CAV1: variants seen among roughly 807,000 people sequenced by gnomAD.
The protein encoded by CAV1 is caveolin 1.
In CAV1, 10 loss-of-function variants were observed where a neutral mutation model predicts 16.5. The observed-to-expected ratio is 0.61, with a 90% CI of 0.37 to 1.03. CAV1 has a LOEUF of 1.03. Ranked by LOEUF, CAV1 falls within the 50% of genes least tolerant of loss-of-function variation. The probability of loss-of-function intolerance (pLI) is 0.01; values close to 1 mark genes in which losing one functional copy is unlikely to be tolerated. For missense variants in CAV1, 212 were observed against 232.8 expected (o/e 0.91, Z 0.58); for synonymous variants, 76 against 85.1 (o/e 0.89, Z 0.59).
intron 2 of CAV1, among the ~76,000 whole-genome samples, chr7:116,537,110 C>T (rs576714710): frequency 9.9e-5 from 15 of 151,756 alleles, no homozygotes; most frequent in African/African-American, 3.6e-4. Context: ...AAGACACAAC[C>T]ATTTCCTCTT....
intron 2 of CAV1, among the ~76,000 whole-genome samples, chr7:116,534,486 G>A (rs1364972759): frequency 5.7e-5 from 8 of 140,320 alleles, no homozygotes; most frequent in Non-Finnish European, 9.2e-5. Context: ...TGCAAGCTCC[G>A]TCTCCCGGGT....
chr7:116,534,646 C>T (rs991382374), intron 2 of CAV1, among the ~76,000 whole-genome samples: 2 of 151,522 alleles, frequency 1.3e-5, no homozygotes, highest in Admixed American at 6.6e-5. Context: ...GTGATCCGCT[C>T]GCCTCGGCCT....
At chr7:116,558,835 A>T in intron 2 of CAV1, 111 bp from the exon 3 acceptor site, 1 of 805,996 alleles carries the variant, frequency 1.2e-6, no homozygotes, top group Non-Finnish European at 2.1e-6. Context: ...CATCTCACAA[A>T]GAACGAACTC....
intron 2 of CAV1, among the ~76,000 whole-genome samples, chr7:116,546,988 C>T (rs186911303): frequency 2.0e-5 from 3 of 152,284 alleles, no homozygotes; most frequent in Admixed American, 6.5e-5. Context: ...TGGTGGTTTG[C>T]TGGCAATGTT....
intron 2 of CAV1, 103 bp downstream of exon 2, chr7:116,526,792 C>A (rs909921235): frequency 7.7e-7 from 1 of 1,295,838 alleles, no homozygotes; most frequent in African/African-American, 1.5e-5. Context: ...CCCCACCCCG[C>A]CCCCTACACG....
In CAV1 at chr7:116,561,127, G is replaced by T. The variant is rs1562841796; in HGVS notation, c.*1840G>T. 1 of 152,470 alleles carries T rather than the reference G, an allele frequency of 6.6e-6. No homozygotes were observed. Among genetic ancestry groups the T allele is most frequent in the Non-Finnish European group, 1.5e-5 (1 of 68,014 alleles). The allele number at this position is 152,470 out of a possible 1,614,324, so 9.4% of individuals were successfully genotyped here. A position where few individuals can be genotyped will look rare whatever the true frequency, so the allele number is the denominator to read the frequency against. ...GATATATTTTACAATTTTTTATCATGCATGTCCTGTAAAGGTTACAAGCCT... is the reference window on the plus strand; with the variant it reads ...GATATATTTTACAATTTTTTATCATTCATGTCCTGTAAAGGTTACAAGCCT... On this transcript the variant is annotated 3_prime_UTR_variant, in exon 3 of 3. Coordinates refer to ENST00000341049, the MANE Select transcript of CAV1 (RefSeq NM_001753.5).
At chr7:116,545,175 A>C (rs895389920) in intron 2 of CAV1, among the ~76,000 whole-genome samples, 1 of 152,148 alleles carries the variant, frequency 6.6e-6, no homozygotes, top group East Asian at 1.9e-4. Flanking sequence ...GATATTTGGC[A>C]TTGTCTGGAG....
At chr7:116,550,934 C>T (rs937548311) in intron 2 of CAV1, among the ~76,000 whole-genome samples, 5 of 152,190 alleles carry the variant, frequency 3.3e-5, no homozygotes, top group Non-Finnish European at 7.3e-5. Flanking sequence ...TAGCTCCACT[C>T]ATTTATCCAC....
chr7:116,543,381 A>G (rs1793977255), intron 2 of CAV1, among the ~76,000 whole-genome samples: 1 of 152,244 alleles, frequency 6.6e-6, no homozygotes, highest in Non-Finnish European at 1.5e-5. Flanking sequence ...TAATTAAATC[A>G]TCTTTGAAAT....
chr7:116,532,217 A>G (rs1158930140), intron 2 of CAV1, among the ~76,000 whole-genome samples: 1 of 152,224 alleles, frequency 6.6e-6, no homozygotes, highest in African/African-American at 2.4e-5. Context: ...TCAAAGTAGG[A>G]ACAGCTGCAA....
At chr7:116,525,408 C>T (rs1466175785) in intron 1 of CAV1, 2 of 1,477,136 alleles carry the variant, frequency 1.4e-6, no homozygotes, top group African/African-American at 2.8e-5. Flanking sequence ...AGGATGCTCC[C>T]TTGTCGCGGG....
intron 2 of CAV1, among the ~76,000 whole-genome samples, chr7:116,551,251 G>T (rs1178405933): frequency 6.6e-6 from 1 of 152,160 alleles, no homozygotes; most frequent in East Asian, 1.9e-4. Context: ...TGAGAACCCT[G>T]TGCTAGTGCT....
Position 116,559,621 on chromosome 7 carries a change from A to C in CAV1, c.*334A>C, listed in dbSNP as rs1253911649. ...ATATGAAGAACTGAGGAGGAAAAAA[A>C]AAAAAAAGAAAAGAACCAACAACCT... On this transcript the variant is annotated 3_prime_UTR_variant, in exon 3 of 3. Coordinates refer to ENST00000341049, the MANE Select transcript of CAV1 (RefSeq NM_001753.5). 3.8e-6 allele frequency: 2 copies of C among 526,556 alleles called. No individual in the cohort carries two copies. Among genetic ancestry groups the C allele is most frequent in the Non-Finnish European group, 6.6e-6 (2 of 303,522 alleles). The allele number at this position is 526,556 out of a possible 1,614,324, so 32.6% of individuals were successfully genotyped here.
chr7:116,547,043 T>A (rs1460400380), intron 2 of CAV1, among the ~76,000 whole-genome samples: 2 of 152,220 alleles, frequency 1.3e-5, no homozygotes, highest in African/African-American at 2.4e-5. Flanking sequence ...TCTGCCTCCA[T>A]CATTAATGGC....
At chr7:116,527,083 C>T in intron 2 of CAV1, 4 of 309,292 alleles carry the variant, frequency 1.3e-5, no homozygotes, top group South Asian at 3.2e-5. Flanking sequence ...CTGCACGTGG[C>T]ATTAAGACAG....
rs992668412 is a variant in CAV1 at position 116,560,977 on chromosome 7, A to T, written c.*1690A>T. ...CTTTATATGAAGAAAATCACTTAGG[A>T]AATGGCTTTGTGATTCAATCTGTAA... On this transcript the variant is annotated 3_prime_UTR_variant, in exon 3 of 3. Coordinates refer to ENST00000341049, the MANE Select transcript of CAV1 (RefSeq NM_001753.5). 1 of 152,642 alleles carries T rather than the reference A, an allele frequency of 6.6e-6. No homozygotes were observed. The highest frequency in any genetic ancestry group is 2.4e-5 in the African/African-American group (1 of 41,468). 9.5% of individuals were successfully genotyped at this position (152,642 alleles called of 1,614,324 possible).
chr7:116,542,476 A>G lies in CAV1; in HGVS notation c.195+15787A>G, dbSNP rs180757234. 4.0e-4 allele frequency among the ~76,000 whole-genome samples: 61 copies of G among 152,336 alleles called. 2 individuals carry two copies. In the East Asian group the frequency reaches 0.011, roughly 28 times the overall value. ...AAAATTGGGTCTGGTTTAGACTCTCAGAATTTCTTAATAATTAAACACTTT... is the reference window on the plus strand; with the variant it reads ...AAAATTGGGTCTGGTTTAGACTCTCGGAATTTCTTAATAATTAAACACTTT... On this transcript the variant is annotated intron_variant, in intron 2 of 2. Coordinates refer to ENST00000341049, the MANE Select transcript of CAV1 (RefSeq NM_001753.5).
chr7:116,532,179 G>A (rs1001605295), intron 2 of CAV1, among the ~76,000 whole-genome samples: 3 of 152,104 alleles, frequency 2.0e-5, no homozygotes, highest in Non-Finnish European at 4.4e-5. Flanking sequence ...TTCAGTTAAC[G>A]GCAGGGTTGG....
intron 2 of CAV1, among the ~76,000 whole-genome samples, chr7:116,531,485 A>G (rs563930301): frequency 6.6e-6 from 1 of 152,352 alleles, no homozygotes; most frequent in East Asian, 1.9e-4. Context: ...ATCCCTTTCA[A>G]CTTGAAAGCA....
Sources: gnomAD v4.1 joint callset for allele counts (sites outside exome capture counted in the v4.1 genomes callset) on GRCh38, gnomAD v4.1.1 for gene constraint, MANE v1.5 for transcripts, NCBI Gene and HGNC (gene_info 2026-07-23, HGNC 2026-07-21) for gene names.